The following GTF2IRD1 variants were observed in gnomAD, a reference collection of about 807,000 sequenced individuals.
GTF2IRD1 encodes general transcription factor II-I repeat domain-containing protein 1.
A neutral mutation model predicts 113.2 loss-of-function variants in GTF2IRD1; 26 were observed. The observed-to-expected ratio is 0.23, with a 90% CI of 0.17 to 0.32. GTF2IRD1 has a LOEUF of 0.32. GTF2IRD1 is among the 10% of genes least tolerant of loss of function. GTF2IRD1 has a pLI of 1.00. For synonymous variants in GTF2IRD1, 484 were observed against 529.1 expected (o/e 0.91, Z 1.17); for missense variants, 864 against 1,280.8 (o/e 0.67, Z 4.97).
chr7:74,543,283 C>T (rs587762048), intron 14 of GTF2IRD1, among the ~76,000 whole-genome samples: 14 of 151,852 alleles, frequency 9.2e-5, no homozygotes, highest in African/African-American at 3.1e-4. Context: ...GCCTGGGTGA[C>T]AAGAGCGAAA....
chr7:74,522,924 A>C (rs1797375354), intron 7 of GTF2IRD1, among the ~76,000 whole-genome samples: 1 of 152,226 alleles, frequency 6.6e-6, no homozygotes, highest in Non-Finnish European at 1.5e-5. Context: ...ACCAATGATC[A>C]CTTGTTATTA....
intron 1 of GTF2IRD1, among the ~76,000 whole-genome samples, chr7:74,486,303 G>A (rs868937358): frequency 3.3e-5 from 5 of 152,206 alleles, no homozygotes; most frequent in African/African-American, 4.8e-5. Flanking sequence ...GGGGTGTCTC[G>A]TGTAACAGGA....
At chr7:74,572,550 T>A (rs1377130721) in intron 22 of GTF2IRD1, 1 of 980,996 alleles carries the variant, frequency 1.0e-6, no homozygotes, top group Non-Finnish European at 1.2e-6. Context: ...TTCTTTGACG[T>A]GATACAGAAC....
intron 1 of GTF2IRD1, among the ~76,000 whole-genome samples, chr7:74,462,684 C>T (rs1243623291): frequency 3.3e-5 from 5 of 152,168 alleles, no homozygotes; most frequent in Non-Finnish European, 1.5e-5. Flanking sequence ...ATCTGGCTGG[C>T]GGGGGGCCTG....
At chr7:74,479,859 TCTC>T (rs1304959801) in intron 1 of GTF2IRD1, among the ~76,000 whole-genome samples, 1 of 151,276 alleles carries the variant, frequency 6.6e-6, no homozygotes, top group African/African-American at 2.4e-5. Flanking sequence ...TTCAAACAAT[TCTC>T]CTGTCTCAGC....
At chr7:74,465,106 G>A (rs1793629039) in intron 1 of GTF2IRD1, among the ~76,000 whole-genome samples, 1 of 152,182 alleles carries the variant, frequency 6.6e-6, no homozygotes, top group Admixed American at 6.5e-5. Context: ...GGTTTTTCAG[G>A]CATGGCCGCT....
At chr7:74,544,892 C>T in intron 15 of GTF2IRD1, 90 bp downstream of exon 15, 1 of 997,178 alleles carries the variant, frequency 1.0e-6, no homozygotes, top group East Asian at 2.6e-5. Context: ...CTCTGGGTCT[C>T]TTCGTTCTCT....
intron 1 of GTF2IRD1, among the ~76,000 whole-genome samples, chr7:74,490,823 G>A (rs530083516): frequency 1.5e-3 from 230 of 152,210 alleles, no homozygotes; most frequent in African/African-American, 5.2e-3. Flanking sequence ...GCTTCCAAGG[G>A]GGAAGAGATT....
At chr7:74,566,695 C>T (rs1181643748) in intron 22 of GTF2IRD1, among the ~76,000 whole-genome samples, 1 of 152,222 alleles carries the variant, frequency 6.6e-6, no homozygotes, top group Admixed American at 6.5e-5. Flanking sequence ...ACCACGTCAT[C>T]TCCCCAAGTA....
chr7:74,518,484 C>T (rs782498303), intron 5 of GTF2IRD1, among the ~76,000 whole-genome samples, 162 bp downstream of exon 5: 10 of 152,154 alleles, frequency 6.6e-5, no homozygotes, highest in Admixed American at 2.6e-4. Flanking sequence ...GAAGTGAAAG[C>T]GAAGTCATAG....
intron 7 of GTF2IRD1, among the ~76,000 whole-genome samples, chr7:74,523,340 A>T (rs587712880): frequency 6.6e-6 from 1 of 152,228 alleles, no homozygotes. Flanking sequence ...ACAGTGAGCT[A>T]TGATTGCACC....
At chr7:74,565,815 T>A (rs190675748) in intron 22 of GTF2IRD1, among the ~76,000 whole-genome samples, 2,294 of 151,646 alleles carry the variant, frequency 0.015, 49 homozygotes, top group African/African-American at 0.051. Flanking sequence ...ACAAAAAAAA[T>A]TTTTTTTAAT....
intron 19 of GTF2IRD1, among the ~76,000 whole-genome samples, chr7:74,557,291 T>TA (rs1279348437): frequency 8.5e-5 from 13 of 152,144 alleles, no homozygotes; most frequent in Admixed American, 1.3e-4. Flanking sequence ...TCCAGCCCCC[T>TA]AGTGACTTCA....
intron 22 of GTF2IRD1, among the ~76,000 whole-genome samples, chr7:74,573,316 C>T (rs1329831300): frequency 3.3e-5 from 5 of 151,586 alleles, no homozygotes; most frequent in Non-Finnish European, 5.9e-5. Context: ...GCAAGAGGCT[C>T]ACTTGAGCCC....
chr7:74,543,437 C>G (rs1798741061), intron 14 of GTF2IRD1, among the ~76,000 whole-genome samples: 2 of 152,238 alleles, frequency 1.3e-5, no homozygotes, highest in African/African-American at 4.8e-5. Context: ...TGCACCACTG[C>G]ACTCCAGCCT....
At chr7:74,556,182 G>A (rs1478646404) in intron 19 of GTF2IRD1, among the ~76,000 whole-genome samples, 3 of 151,514 alleles carry the variant, frequency 2.0e-5, no homozygotes, top group Admixed American at 6.6e-5. Context: ...AACCTGGGAG[G>A]CGGAGATTGC....
At chr7:74,530,695 C>T (rs1583808069) in intron 9 of GTF2IRD1, among the ~76,000 whole-genome samples, 3 of 151,700 alleles carry the variant, frequency 2.0e-5, no homozygotes, top group African/African-American at 7.3e-5. Flanking sequence ...ATGAAACACA[C>T]CTGACATGTA....
At chr7:74,489,158 A>G (rs1203089541) in intron 1 of GTF2IRD1, among the ~76,000 whole-genome samples, 1 of 151,860 alleles carries the variant, frequency 6.6e-6, no homozygotes, top group Admixed American at 6.6e-5. Context: ...AAAAAAAAAG[A>G]CTTTTACTGT....
intron 22 of GTF2IRD1, among the ~76,000 whole-genome samples, chr7:74,584,108 A>G (rs1554367058): frequency 1.3e-5 from 2 of 152,166 alleles, no homozygotes; most frequent in Non-Finnish European, 2.9e-5. Context: ...TCAAGCTGCA[A>G]TAGGGTCTGT....
Sources: allele counts gnomAD v4.1 joint callset (sites outside exome capture counted in the v4.1 genomes callset), GRCh38; gene constraint gnomAD v4.1.1; transcripts MANE v1.5; gene names NCBI Gene and HGNC (gene_info 2026-07-23, HGNC 2026-07-21).